Variants in RASA1 observed in about 807,000 individuals in gnomAD.
The protein encoded by RASA1 is ras GTPase-activating protein 1.
Under a neutral mutation model 132.2 loss-of-function variants are expected in RASA1, and 25 were observed. The observed-to-expected ratio is 0.19, with a 90% confidence interval of 0.14 to 0.26. The LOEUF is 0.26. Among genes scored for constraint, RASA1 ranks in the 10% least tolerant of loss-of-function variants. RASA1 has a pLI of 1.00. For synonymous variants in RASA1, 477 were observed against 449.9 expected (o/e 1.06, Z -0.76); for missense variants, 964 against 1,299.2 (o/e 0.74, Z 3.97).
At chr5:87,274,718 A>G (rs1178973516) in intron 1 of RASA1, among the ~76,000 whole-genome samples, 1 of 152,136 alleles carries the variant, frequency 6.6e-6, no homozygotes, top group Non-Finnish European at 1.5e-5. Context: ...AGAAAAAGAA[A>G]TTTGTGTAAT....
chr5:87,377,678 A>T (rs1180647178), intron 17 of RASA1, among the ~76,000 whole-genome samples: 1 of 151,974 alleles, frequency 6.6e-6, no homozygotes, highest in Non-Finnish European at 1.5e-5. Flanking sequence ...TTTTATTTCT[A>T]ACTTTTATAG....
Position 87,268,295 on chromosome 5 carries a change from G to T in RASA1, c.-157G>T. 9.1e-7 allele frequency: 1 copy of T among 1,099,244 alleles called. No individual in the cohort carries two copies. Among genetic ancestry groups the T allele is most frequent in the Non-Finnish European group, 1.3e-6 (1 of 794,430 alleles). 68.1% of individuals were successfully genotyped at this position (1,099,244 alleles called of 1,614,324 possible). A position where few individuals can be genotyped will look rare whatever the true frequency, so the allele number is the denominator to read the frequency against. On this transcript the variant is annotated 5_prime_UTR_variant, in exon 1 of 25. In the 5' UTR this introduces an upstream ATG that the reference lacks. Coordinates refer to ENST00000274376, the MANE Select transcript of RASA1 (RefSeq NM_002890.3). ...GGGAGCCTGGGCTGTGGCCCTAGGA[G>T]GGGGCGCGGCGGCGGGCTCTCTCCT... is the stretch of plus-strand genomic sequence containing the variant.
At position 87,370,126 on chromosome 5, in the gene RASA1, G is replaced by T. The variant is rs1187493265; in HGVS notation, c.1698+226G>T. ...AGGAATGAAAACTCCATTTTAAATT[G>T]ACCTTTAAATACTCTATGATGTTGA... On this transcript the variant is annotated intron_variant, in intron 12 of 24. Transcript: ENST00000274376. Among the ~76,000 whole-genome samples, 15 of 152,258 alleles carry T rather than the reference G, an allele frequency of 9.9e-5. 1 individual carries two copies. The East Asian group carries it at 2.5e-3, about 25-fold the overall frequency.
At chr5:87,337,784 ATTAT>A (rs1401513470) in intron 4 of RASA1, among the ~76,000 whole-genome samples, 186 bp from the exon 5 acceptor site, 1 of 152,052 alleles carries the variant, frequency 6.6e-6, no homozygotes, top group Non-Finnish European at 1.5e-5. Context: ...TAAAATTCAG[ATTAT>A]TTATTATTTT....
chr5:87,385,471 AT>A, intron 22 of RASA1, 82 bp downstream of exon 22: 1 of 1,062,612 alleles, frequency 9.4e-7, no homozygotes, highest in Non-Finnish European at 1.4e-6. Context: ...GCTTAAGTAA[AT>A]TTTTAGCAGT....
chr5:87,326,334 C>CT (rs1228896503), intron 1 of RASA1, among the ~76,000 whole-genome samples: 3 of 151,950 alleles, frequency 2.0e-5, no homozygotes, highest in Non-Finnish European at 4.4e-5. Flanking sequence ...ATTTCTGTGA[C>CT]TTTTTTTAAT....
chr5:87,311,562 G>A (rs1755914371), intron 1 of RASA1, among the ~76,000 whole-genome samples: 3 of 152,226 alleles, frequency 2.0e-5, no homozygotes, highest in Admixed American at 2.0e-4. Flanking sequence ...GTCCAGCAGA[G>A]ATTAGATGCA....
At chr5:87,284,320 A>G (rs1008834262) in intron 1 of RASA1, among the ~76,000 whole-genome samples, 1 of 152,204 alleles carries the variant, frequency 6.6e-6, no homozygotes, top group Non-Finnish European at 1.5e-5. Context: ...TTAAGTGACT[A>G]TAGGTTGCTT....
At chr5:87,387,705 C>A (rs1201955316) in intron 23 of RASA1, among the ~76,000 whole-genome samples, 1 of 152,112 alleles carries the variant, frequency 6.6e-6, no homozygotes, top group African/African-American at 2.4e-5. Flanking sequence ...GCAAACAAAT[C>A]AGGAATGCCG....
chr5:87,325,026 G>A (rs919899655), intron 1 of RASA1, among the ~76,000 whole-genome samples: 2 of 151,988 alleles, frequency 1.3e-5, no homozygotes, highest in African/African-American at 4.8e-5. Flanking sequence ...AACCCGAGAT[G>A]GGGTCACTTA....
At chr5:87,384,318 A>AT (rs1305635383) in intron 21 of RASA1, among the ~76,000 whole-genome samples, 5 of 152,134 alleles carry the variant, frequency 3.3e-5, no homozygotes, top group Non-Finnish European at 5.9e-5. Flanking sequence ...CCATATATCC[A>AT]TTTTGAGATG....
intron 1 of RASA1, among the ~76,000 whole-genome samples, chr5:87,289,218 A>T (rs1424139108): frequency 2.0e-5 from 3 of 152,322 alleles, no homozygotes; most frequent in South Asian, 2.1e-4. Flanking sequence ...ATTAACCATT[A>T]CTGGCAGAGA....
chr5:87,275,972 C>T (rs1198698960), intron 1 of RASA1, among the ~76,000 whole-genome samples: 2 of 152,108 alleles, frequency 1.3e-5, no homozygotes, highest in African/African-American at 4.8e-5. Context: ...CTCATCCTTG[C>T]TAATGTTCCA....
At chr5:87,341,461 T>A in intron 6 of RASA1, 140 bp downstream of exon 6, 1 of 442,998 alleles carries the variant, frequency 2.3e-6, no homozygotes, top group Non-Finnish European at 3.8e-6. Context: ...AACTGATTTC[T>A]AAATATTTTC....
intron 1 of RASA1, among the ~76,000 whole-genome samples, chr5:87,326,115 G>T (rs1033582585): frequency 6.6e-6 from 1 of 152,082 alleles, no homozygotes; most frequent in African/African-American, 2.4e-5. Flanking sequence ...GGGATCATAG[G>T]TATGTGCCAC....
chr5:87,346,521 G>A (rs1292720323), intron 6 of RASA1, 151 bp from the exon 7 acceptor site: 3 of 485,668 alleles, frequency 6.2e-6, no homozygotes, highest in South Asian at 2.9e-5. Flanking sequence ...TATATAAAAT[G>A]TATTAAAATG....
chr5:87,301,701 C>G (rs967739653), intron 1 of RASA1, among the ~76,000 whole-genome samples: 2 of 152,038 alleles, frequency 1.3e-5, no homozygotes, highest in African/African-American at 4.8e-5. Flanking sequence ...ATCTGAAATC[C>G]AGATATTCCA....
At chr5:87,366,290 G>T in intron 11 of RASA1, 1 of 339,870 alleles carries the variant, frequency 2.9e-6, no homozygotes, top group Non-Finnish European at 6.1e-6. Flanking sequence ...GATGAATATT[G>T]CAATATCTGT....
At chr5:87,302,530 T>C (rs1000128628) in intron 1 of RASA1, among the ~76,000 whole-genome samples, 3 of 150,862 alleles carry the variant, frequency 2.0e-5, no homozygotes, top group Admixed American at 6.6e-5. Flanking sequence ...ATTTTATCAG[T>C]TTTTTCTCTC....
Sources: gnomAD v4.1 joint callset for allele counts (sites outside exome capture counted in the v4.1 genomes callset) on GRCh38, gnomAD v4.1.1 for gene constraint, MANE v1.5 for transcripts, NCBI Gene and HGNC (gene_info 2026-07-23, HGNC 2026-07-21) for gene names.